The following SPATA16 variants were observed in gnomAD, a reference collection of about 807,000 sequenced individuals.
The protein encoded by SPATA16 is spermatogenesis-associated protein 16.
In SPATA16, 36 loss-of-function variants were observed where a neutral mutation model predicts 63.3. That is an observed-to-expected ratio of 0.57 (90% CI 0.44 to 0.75). The LOEUF is 0.75. Ranked by LOEUF, SPATA16 falls within the 30% of genes least tolerant of loss-of-function variation. The pLI, the probability that SPATA16 is intolerant of heterozygous loss-of-function variation, is 0.00. For missense variants in SPATA16, 646 were observed against 679.3 expected (o/e 0.95, Z 0.54); for synonymous variants, 203 against 216.7 (o/e 0.94, Z 0.56).
At chr3:173,134,240 C>T (rs531976716) in intron 1 of SPATA16, among the ~76,000 whole-genome samples, 3 of 152,162 alleles carry the variant, frequency 2.0e-5, no homozygotes, top group African/African-American at 7.2e-5. Flanking sequence ...AAGCATGTCC[C>T]CTAAAAGTTC....
intron 9 of SPATA16, 42 bp downstream of exon 9, chr3:172,916,275 G>A: frequency 6.3e-7 from 1 of 1,592,190 alleles, no homozygotes. Flanking sequence ...TTTTCTGTTG[G>A]CTCTGGGCCT....
At chr3:172,961,231 T>C (rs1733778549) in intron 5 of SPATA16, among the ~76,000 whole-genome samples, 1 of 152,110 alleles carries the variant, frequency 6.6e-6, no homozygotes, top group Non-Finnish European at 1.5e-5. Flanking sequence ...GAAAATGTGA[T>C]GATGATTATT....
intron 3 of SPATA16, among the ~76,000 whole-genome samples, chr3:173,022,127 G>T (rs1020908604): frequency 1.3e-5 from 2 of 151,832 alleles, no homozygotes; most frequent in Non-Finnish European, 2.9e-5. Context: ...GAGTAGTGAG[G>T]GCTGGTGAGG....
chr3:173,041,430 G>A (rs1156395150), intron 3 of SPATA16, among the ~76,000 whole-genome samples: 6 of 152,144 alleles, frequency 3.9e-5, no homozygotes, highest in African/African-American at 1.2e-4. Flanking sequence ...TATGGATAAT[G>A]TAATGTCTTT....
At chr3:173,013,870 G>A (rs1178532001) in intron 4 of SPATA16, among the ~76,000 whole-genome samples, 1 of 152,202 alleles carries the variant, frequency 6.6e-6, no homozygotes, top group Non-Finnish European at 1.5e-5. Context: ...TCCCTAGGTT[G>A]AGGGAGTGCT....
At chr3:173,112,212 G>T (rs935124190) in intron 2 of SPATA16, among the ~76,000 whole-genome samples, 1 of 152,148 alleles carries the variant, frequency 6.6e-6, no homozygotes, top group African/African-American at 2.4e-5. Context: ...TGCTTAAGAA[G>T]AAATTCTTTC....
At position 173,117,457 on chromosome 3, in the gene SPATA16, G is replaced by T; in HGVS notation, c.275C>A (p.Pro92Gln). ...FKRKAEGEEK[P>Q]TRKKQAKITE... ...TATCTTTGCCTGTTTCTTTCTAGTT[G>T]GCTTTTCTTCACCTTCTGCCTTCCG... Residue 92 changes from proline to glutamine, a missense_variant, in exon 2 of 11, where the codon CCA becomes CAA. Physicochemically the swap from Pro to Gln is moderately conservative, Grantham distance 76. Coordinates refer to ENST00000351008, the MANE Select transcript of SPATA16 (RefSeq NM_031955.6). 6.2e-7 allele frequency: 1 copy of T among 1,613,996 alleles called. No individual in the cohort carries two copies. Among genetic ancestry groups the T allele is most frequent in the Non-Finnish European group, 8.5e-7 (1 of 1,179,966 alleles).
At chr3:172,916,216 A>G in intron 9 of SPATA16, 101 bp downstream of exon 9, 2 of 1,450,812 alleles carry the variant, frequency 1.4e-6, no homozygotes, top group Non-Finnish European at 1.9e-6. Flanking sequence ...CTCAGGCTAC[A>G]TTTATTACCA....
intron 8 of SPATA16, among the ~76,000 whole-genome samples, chr3:172,918,782 C>T (rs1028206351): frequency 5.3e-5 from 8 of 151,948 alleles, no homozygotes; most frequent in African/African-American, 2.4e-5. Context: ...AAAGTGGCCA[C>T]GACTGAAGCT....
At chr3:173,071,631 A>T (rs1316379806) in intron 2 of SPATA16, among the ~76,000 whole-genome samples, 1 of 152,238 alleles carries the variant, frequency 6.6e-6, no homozygotes, top group African/African-American at 2.4e-5. Flanking sequence ...AAATATTCTA[A>T]TTAAAAAATG....
intron 2 of SPATA16, among the ~76,000 whole-genome samples, chr3:173,067,617 AAAAG>A (rs1236679799): frequency 6.6e-6 from 1 of 152,188 alleles, no homozygotes; most frequent in African/African-American, 2.4e-5. Context: ...AAAAAAGAAA[AAAAG>A]AAAGCCTAAA....
chr3:173,079,826 ACTTATTTCTGAAATACT>A (rs1736885327), intron 2 of SPATA16, among the ~76,000 whole-genome samples: 1 of 151,802 alleles, frequency 6.6e-6, no homozygotes, highest in African/African-American at 2.4e-5. Flanking sequence ...TCCTGAGCAA[ACTTATTTCTGAAATACT>A]CTTCTACTGT....
chr3:172,986,849 G>A (rs932671800), intron 4 of SPATA16, among the ~76,000 whole-genome samples: 1 of 152,150 alleles, frequency 6.6e-6, no homozygotes, highest in East Asian at 1.9e-4. Context: ...GGTGGGAGGT[G>A]ATTGCAGGAA....
At chr3:173,114,046 G>A (rs1737821352) in intron 2 of SPATA16, among the ~76,000 whole-genome samples, 1 of 152,186 alleles carries the variant, frequency 6.6e-6, no homozygotes, top group Non-Finnish European at 1.5e-5. Context: ...CAGGCGTGGT[G>A]GCAGGTGCCT....
At chr3:173,043,655 T>G (rs371474856) in intron 3 of SPATA16, among the ~76,000 whole-genome samples, 15 of 152,032 alleles carry the variant, frequency 9.9e-5, no homozygotes, top group Admixed American at 2.6e-4. Flanking sequence ...GTCTTTTATA[T>G]TTACCATTTA....
intron 5 of SPATA16, among the ~76,000 whole-genome samples, chr3:172,969,582 A>T (rs1363372716): frequency 1.3e-5 from 2 of 152,218 alleles, no homozygotes; most frequent in Non-Finnish European, 2.9e-5. Context: ...ACTCTGATGC[A>T]GTTGGTTACT....
At chr3:172,910,880 C>T (rs910275372) in intron 10 of SPATA16, among the ~76,000 whole-genome samples, 3 of 152,204 alleles carry the variant, frequency 2.0e-5, no homozygotes, top group African/African-American at 7.2e-5. Flanking sequence ...TTTTGTATTT[C>T]CTGTTGGATG....
At chr3:172,923,973 A>T (rs778841527) in intron 8 of SPATA16, among the ~76,000 whole-genome samples, 4 of 152,260 alleles carry the variant, frequency 2.6e-5, no homozygotes, top group Non-Finnish European at 5.9e-5. Context: ...AAGGTTCTTT[A>T]AAGAGACACT....
At position 172,966,200 on chromosome 3, in the gene SPATA16, G is replaced by C. The variant is rs527349307; in HGVS notation, c.934-9376C>G. On this transcript the variant is annotated intron_variant, in intron 5 of 10. Transcript: ENST00000351008. ...TGTCACGTAATATTAAATGAAATGA[G>C]ATAAAGTGCTAACTTCAAGAGACCT... Among the ~76,000 whole-genome samples the C allele has an allele frequency of 1.0e-3, 155 of 152,274 alleles. No individual in the cohort carries two copies. The Middle Eastern group carries it at 0.01, about 10-fold the overall frequency.
Sources: allele counts gnomAD v4.1 joint callset (sites outside exome capture counted in the v4.1 genomes callset), GRCh38; gene constraint gnomAD v4.1.1; transcripts MANE v1.5; gene names NCBI Gene and HGNC (gene_info 2026-07-23, HGNC 2026-07-21).